STK40: variants seen among roughly 807,000 people sequenced by gnomAD.
The protein encoded by STK40 is serine/threonine-protein kinase 40.
In STK40, 13 loss-of-function variants were observed where a neutral mutation model predicts 47.9. The observed-to-expected ratio is 0.27, with a 90% CI of 0.18 to 0.43. STK40 has a LOEUF of 0.43. STK40 is among the 20% of genes least tolerant of loss of function. The probability of loss-of-function intolerance (pLI) is 1.00; values close to 1 mark genes in which losing one functional copy is unlikely to be tolerated. For synonymous variants in STK40, 225 were observed against 243.2 expected (o/e 0.93, Z 0.69); for missense variants, 460 against 595.1 (o/e 0.77, Z 2.36).
At position 36,342,981 on chromosome 1, in the gene STK40, A is replaced by G. The variant is rs555242023; in HGVS notation, c.1089+383T>C. The G allele has an allele frequency of 9.4e-5, 55 of 585,666 alleles. No homozygotes were observed. The East Asian group carries it at 1.5e-3, about 16-fold the overall frequency. The allele number at this position is 585,666 out of a possible 1,614,324, so 36.3% of individuals were successfully genotyped here. On this transcript the variant is annotated intron_variant, in intron 10 of 10. Coordinates refer to ENST00000373132, the MANE Select transcript of STK40 (RefSeq NM_001282547.2). ...TTCTCCAGTGCAGGGAATGGGGAGG[A>G]AAGAAATAGGGAGAAATGAATCATC...
intron 6 of STK40, 21 bp downstream of exon 6, chr1:36,354,343 A>T: frequency 1.9e-6 from 3 of 1,613,658 alleles, no homozygotes; most frequent in East Asian, 2.2e-5. Flanking sequence ...AACTGTATGG[A>T]TGTAGAGACA....
chr1:36,343,201 A>T (rs1229040310), intron 10 of STK40, 163 bp downstream of exon 10: 7 of 810,736 alleles, frequency 8.6e-6, no homozygotes, highest in Non-Finnish European at 1.5e-5. Flanking sequence ...CAGGCAGCTC[A>T]GGCTGAGGAC....
chr1:36,375,129 G>A (rs1646980444), intron 1 of STK40, among the ~76,000 whole-genome samples: 1 of 152,154 alleles, frequency 6.6e-6, no homozygotes, highest in Non-Finnish European at 1.5e-5. Flanking sequence ...TGGAGGACAG[G>A]GACAGCGCTA....
intron 1 of STK40, among the ~76,000 whole-genome samples, chr1:36,374,165 G>A (rs530791769): frequency 5.3e-5 from 8 of 152,244 alleles, no homozygotes; most frequent in Non-Finnish European, 8.8e-5. Flanking sequence ...CAGGAAGCAA[G>A]GTTCATGAGT....
rs200986219 is a variant in STK40 at position 36,341,904 on chromosome 1, C to T, written c.1159G>A (p.Glu387Lys). 10 of 1,614,014 alleles carry T rather than the reference C, an allele frequency of 6.2e-6. No individual in the cohort carries two copies. The East Asian group carries it at 6.7e-5, about 11-fold the overall frequency. ...GCGTCATGGATGGAGCTCTTCTCCT[C>T]GGCCAGCAGCAGCTGCTGACGCATG... ...NYMRQQLLLA[E>K]EKSSIHDARS... The change falls in exon 11 of 11, where the codon GAG becomes AAG. Residue 387 changes from glutamate to lysine, a missense_variant. Around this residue, in one of 3 missense-constraint regions of STK40, gnomAD observed 181 missense variants for 218.9 expected, o/e 0.83. Coordinates refer to ENST00000373132, the MANE Select transcript of STK40 (RefSeq NM_001282547.2).
In STK40 at chr1:36,354,329, G is replaced by T. The variant is rs57177729; in HGVS notation, c.623+35C>A. ...CAATGTGTAGCCTGCCCCAGCCCCG[G>T]GGTAACTGTATGGATGTAGAGACAG... On this transcript the variant is annotated intron_variant, in intron 6 of 10. Coordinates refer to ENST00000373132, the MANE Select transcript of STK40 (RefSeq NM_001282547.2). The T allele has an allele frequency of 4.4e-3, 7,168 of 1,612,412 alleles. 262 individuals are homozygous for T. In the African/African-American group the frequency reaches 0.079, roughly 18 times the overall value.
chr1:36,351,605 T>A (rs561244359), intron 6 of STK40, among the ~76,000 whole-genome samples: 1 of 152,274 alleles, frequency 6.6e-6, no homozygotes, highest in South Asian at 2.1e-4. Context: ...ATTCAGGAAG[T>A]ACAACCAGGA....
intron 5 of STK40, among the ~76,000 whole-genome samples, chr1:36,355,002 G>A (rs976652928): frequency 2.0e-5 from 3 of 152,192 alleles, no homozygotes; most frequent in African/African-American, 7.2e-5. Context: ...CAGCTGGGCT[G>A]CAGGTCAGCC....
intron 1 of STK40, among the ~76,000 whole-genome samples, chr1:36,362,952 T>TC (rs1436088413): frequency 6.6e-6 from 1 of 152,096 alleles, no homozygotes; most frequent in East Asian, 1.9e-4. Context: ...AGTCAGGAGT[T>TC]CAAGGCCAGC....
intron 1 of STK40, among the ~76,000 whole-genome samples, chr1:36,384,447 G>A (rs570534562): frequency 6.6e-6 from 1 of 152,284 alleles, no homozygotes; most frequent in South Asian, 2.1e-4. Context: ...TTATTACGTG[G>A]CAAACATGGT....
chr1:36,347,692 G>A (rs1570436826), intron 7 of STK40, among the ~76,000 whole-genome samples: 1 of 143,590 alleles, frequency 7.0e-6, no homozygotes, highest in Non-Finnish European at 1.5e-5. Flanking sequence ...TCGCTCTGTT[G>A]CCCAGGCTGG....
Position 36,343,906 on chromosome 1 carries a change from C to T in STK40, c.958G>A (p.Ala320Thr), listed in dbSNP as rs1350647443. ...AGGGCCTCCAGGACGTCGGCGGCGG[C>T]CAGGCGCTGCTGGGGGTCAAGGACC... ...LLVLDPQQRLAAADVLEALSA... is the reference protein window; with the variant it reads ...LLVLDPQQRLTAADVLEALSA... The change falls in exon 9 of 11, where the codon GCC (alanine) becomes ACC (threonine). Residue 320 changes from alanine (A) to threonine (T), a missense_variant. Transcript: ENST00000373132. 6.2e-7 allele frequency: 1 copy of T among 1,607,154 alleles called. No individual in the cohort carries two copies. The highest frequency in any genetic ancestry group is 8.5e-7 in the Non-Finnish European group (1 of 1,175,036).
intron 4 of STK40, among the ~76,000 whole-genome samples, chr1:36,357,778 A>G (rs1473774536): frequency 6.6e-6 from 1 of 151,928 alleles, no homozygotes; most frequent in Non-Finnish European, 1.5e-5. Context: ...CGCCATGCCC[A>G]GCTAATTTTT....
Position 36,373,271 on chromosome 1 carries a change from G to A in STK40, c.-8-11931C>T, listed in dbSNP as rs562404136. On this transcript the variant is annotated intron_variant, in intron 1 of 10. Transcript: ENST00000373132. ...GTGCTCCCTGCTCCGTGCTGAGGCC[G>A]CTTCCCTGTGGCAAGTCTCTGCAGG... Among the ~76,000 whole-genome samples the A allele has an allele frequency of 5.9e-5, 9 of 152,276 alleles. No homozygotes were observed. In the East Asian group the frequency reaches 1.3e-3, roughly 23 times the overall value.
intron 1 of STK40, among the ~76,000 whole-genome samples, chr1:36,363,637 T>G (rs1646873856): frequency 6.8e-6 from 1 of 146,372 alleles, no homozygotes; most frequent in Non-Finnish European, 1.5e-5. Context: ...AAACCCCGTC[T>G]CTACTAAAAA....
At chr1:36,372,184 T>C (rs1646954053) in intron 1 of STK40, among the ~76,000 whole-genome samples, 1 of 151,466 alleles carries the variant, frequency 6.6e-6, no homozygotes, top group African/African-American at 2.4e-5. Context: ...CACAAAATTT[T>C]CTAGAAAAAG....
At chr1:36,374,013 C>G (rs924917905) in intron 1 of STK40, among the ~76,000 whole-genome samples, 2 of 152,366 alleles carry the variant, frequency 1.3e-5, no homozygotes, top group Non-Finnish European at 2.9e-5. Context: ...GCCCTGCGCC[C>G]AGCCTGCTCC....
At chr1:36,359,035 C>T (rs1646829843) in intron 2 of STK40, among the ~76,000 whole-genome samples, 1 of 152,188 alleles carries the variant, frequency 6.6e-6, no homozygotes, top group African/African-American at 2.4e-5. Flanking sequence ...GCACATCCAG[C>T]TTTTGCAAAC....
chr1:36,371,355 C>G (rs1646945022), intron 1 of STK40, among the ~76,000 whole-genome samples: 1 of 149,982 alleles, frequency 6.7e-6, no homozygotes, highest in African/African-American at 2.4e-5. Context: ...GAGATCGAGA[C>G]CATCCTGGCT....
Sources: allele counts gnomAD v4.1 joint callset (sites outside exome capture counted in the v4.1 genomes callset), GRCh38; gene constraint gnomAD v4.1.1; regional missense constraint gnomAD v4.1.1; transcripts MANE v1.5; gene names NCBI Gene and HGNC (gene_info 2026-07-23, HGNC 2026-07-21).